The following KCNIP4 variants were observed in gnomAD, a reference collection of about 807,000 sequenced individuals.
KCNIP4 encodes the protein potassium voltage-gated channel interacting protein 4, also known as Kv channel-interacting protein 4.
Under a neutral mutation model 34.0 loss-of-function variants are expected in KCNIP4, and 12 were observed. That is an observed-to-expected ratio of 0.35 (90% CI 0.23 to 0.57). The LOEUF (loss-of-function observed/expected upper bound fraction) is 0.57. KCNIP4 is among the 20% of genes least tolerant of loss of function. The pLI, the probability that KCNIP4 is intolerant of heterozygous loss-of-function variation, is 0.83. For synonymous variants in KCNIP4, 124 were observed against 102.2 expected, an observed-to-expected ratio of 1.21 and a Z score of -1.29; for missense variants, 238 against 311.7, an observed-to-expected ratio of 0.76 and a Z score of 1.78.
At chr4:21,267,079 A>C (rs1175902808) in intron 1 of KCNIP4, among the ~76,000 whole-genome samples, 1 of 152,186 alleles carries the variant, frequency 6.6e-6, no homozygotes, top group Non-Finnish European at 1.5e-5. Flanking sequence ...AGCTATGACC[A>C]CTGTAAATAG....
In KCNIP4 at chr4:21,031,113, C is replaced by T. The variant is rs182831551; in HGVS notation, c.62-148404G>A. ...CTCCAAGAGGGTCCTCAAAAGACTA[C>T]GCCTCCCATGACTATACAACCTTCC... On this transcript the variant is annotated intron_variant, in intron 1 of 8. Transcript: ENST00000382152. 2.7e-3 allele frequency among the ~76,000 whole-genome samples: 405 copies of T among 152,312 alleles called. 1 individual carries two copies. The highest frequency in any genetic ancestry group is 0.015 in the South Asian group (73 of 4,834).
At chr4:21,183,469 G>GTTTTTTTTTTT (rs3080812) in intron 1 of KCNIP4, among the ~76,000 whole-genome samples, 3 of 128,302 alleles carry the variant, frequency 2.3e-5, no homozygotes, top group Non-Finnish European at 1.7e-5. Context: ...TGTTGTTTTT[G>GTTTTTTTTTTT]TTTTTTTTTT....
chr4:21,697,282 T>C, intron 1 of KCNIP4: 1 of 1,379,410 alleles, frequency 7.2e-7, no homozygotes, highest in Non-Finnish European at 9.3e-7. Context: ...CCTATTCCAT[T>C]TCAACTTCAT....
chr4:20,807,189 C>T (rs1425885697), intron 3 of KCNIP4, among the ~76,000 whole-genome samples: 1 of 152,084 alleles, frequency 6.6e-6, no homozygotes, highest in African/African-American at 2.4e-5. Flanking sequence ...TCATTTAGAC[C>T]AAGTATGTCA....
chr4:21,354,045 A>G (rs1718304259), intron 1 of KCNIP4, among the ~76,000 whole-genome samples: 1 of 152,164 alleles, frequency 6.6e-6, no homozygotes, highest in African/African-American at 2.4e-5. Context: ...ATCCATCCAA[A>G]CTAAGCTTCA....
chr4:20,731,996 C>T lies in KCNIP4; in HGVS notation c.705+10G>A, dbSNP rs779338123. The T allele has an allele frequency of 1.2e-6, 2 of 1,613,102 alleles. No individual in the cohort carries two copies. The highest frequency in any genetic ancestry group is 1.7e-6 in the Non-Finnish European group (2 of 1,179,684). ...GCTGAATTGATAGTTATTACACTTT[C>T]ATTACTTACTTTTTGGCAGCTTTCA... On this transcript the variant is annotated intron_variant, in intron 8 of 8. Transcript: ENST00000382152.
intron 3 of KCNIP4, among the ~76,000 whole-genome samples, chr4:20,808,319 C>T (rs575401933): frequency 6.6e-6 from 1 of 152,232 alleles, no homozygotes; most frequent in South Asian, 2.1e-4. Context: ...GAGACAGGTC[C>T]TCTGTCCATG....
chr4:21,738,627 T>C (rs34433415), intron 1 of KCNIP4, among the ~76,000 whole-genome samples: 1,547 of 152,344 alleles, frequency 0.01, 16 homozygotes, highest in Non-Finnish European at 0.013. Flanking sequence ...GTCAAATTAA[T>C]GTAAGCTTTT....
chr4:21,141,319 G>T (rs543794157), intron 1 of KCNIP4, among the ~76,000 whole-genome samples: 1 of 152,242 alleles, frequency 6.6e-6, no homozygotes, highest in East Asian at 1.9e-4. Flanking sequence ...ACAATAAAAT[G>T]AGGTATGTCT....
intron 1 of KCNIP4, among the ~76,000 whole-genome samples, chr4:20,895,678 A>G (rs1268812232): frequency 1.3e-5 from 2 of 152,246 alleles, no homozygotes; most frequent in Admixed American, 6.5e-5. Context: ...GATATAAGGT[A>G]GACCCTGTGC....
At chr4:21,036,822 AACAACAG>A (rs1741486188) in intron 1 of KCNIP4, among the ~76,000 whole-genome samples, 1 of 152,254 alleles carries the variant, frequency 6.6e-6, no homozygotes, top group African/African-American at 2.4e-5. Context: ...TGCTTTGGTC[AACAACAG>A]ACCACATGTA....
intron 1 of KCNIP4, among the ~76,000 whole-genome samples, chr4:21,234,515 T>C (rs1759191705): frequency 9.2e-6 from 1 of 108,468 alleles, no homozygotes; most frequent in Non-Finnish European, 1.8e-5. Context: ...ATATAACGTA[T>C]ATAATATATA....
chr4:21,536,730 G>A (rs966767482), intron 1 of KCNIP4, among the ~76,000 whole-genome samples: 3 of 151,610 alleles, frequency 2.0e-5, no homozygotes, highest in Admixed American at 6.6e-5. Context: ...GCAGTGAGCC[G>A]AGATCACGCC....
chr4:21,203,803 T>C (rs1756659011), intron 1 of KCNIP4, among the ~76,000 whole-genome samples: 1 of 152,236 alleles, frequency 6.6e-6, no homozygotes, highest in African/African-American at 2.4e-5. Flanking sequence ...ATACAAGTGA[T>C]ATGAGGTTAG....
intron 1 of KCNIP4, among the ~76,000 whole-genome samples, chr4:20,912,499 G>T (rs573288165): frequency 5.3e-5 from 8 of 151,988 alleles, no homozygotes; most frequent in African/African-American, 1.9e-4. Flanking sequence ...CAACTAAAGC[G>T]TAAGTAAGCA....
intron 3 of KCNIP4, among the ~76,000 whole-genome samples, chr4:20,822,391 A>C (rs1042276883): frequency 2.6e-5 from 4 of 152,198 alleles, no homozygotes; most frequent in Non-Finnish European, 4.4e-5. Flanking sequence ...CTCTTGCAAG[A>C]ATGGCCATAA....
At chr4:21,806,444 G>C (rs899503591) in intron 1 of KCNIP4, among the ~76,000 whole-genome samples, 7 of 152,112 alleles carry the variant, frequency 4.6e-5, no homozygotes, top group African/African-American at 1.4e-4. Context: ...TGAGAAAATT[G>C]TACTAAAAAT....
At chr4:20,942,017 C>A (rs1034094014) in intron 1 of KCNIP4, among the ~76,000 whole-genome samples, 1 of 152,170 alleles carries the variant, frequency 6.6e-6, no homozygotes, top group African/African-American at 2.4e-5. Context: ...TTTCTGGCCC[C>A]ACGGAGGGAT....
At chr4:21,080,508 T>C (rs1388012728) in intron 1 of KCNIP4, among the ~76,000 whole-genome samples, 1 of 151,936 alleles carries the variant, frequency 6.6e-6, no homozygotes, top group Non-Finnish European at 1.5e-5. Context: ...TTCGTTATTA[T>C]GCTTACCTTT....
Sources: allele counts gnomAD v4.1 joint callset (sites outside exome capture counted in the v4.1 genomes callset), GRCh38; gene constraint gnomAD v4.1.1; transcripts MANE v1.5; gene names NCBI Gene and HGNC (gene_info 2026-07-23, HGNC 2026-07-21).